Variants in ITGBL1 observed in about 807,000 individuals in gnomAD.
The protein encoded by ITGBL1 is integrin beta-like protein 1.
A neutral mutation model predicts 68.5 loss-of-function variants in ITGBL1; 51 were observed. That is an observed-to-expected ratio of 0.74 (90% CI 0.59 to 0.94). ITGBL1 has a LOEUF of 0.94. Ranked by LOEUF, ITGBL1 falls within the 40% of genes least tolerant of loss-of-function variation. The pLI, the probability that ITGBL1 is intolerant of heterozygous loss-of-function variation, is 0.00. For missense variants in ITGBL1, 649 were observed against 647.4 expected, an observed-to-expected ratio of 1.00 and a Z score of -0.03; for synonymous variants, 209 against 227.3, an observed-to-expected ratio of 0.92 and a Z score of 0.72.
Position 101,580,978 on chromosome 13 carries a change from A to G in ITGBL1, c.727+1551A>G, listed in dbSNP as rs534181039. Among the ~76,000 whole-genome samples the G allele has an allele frequency of 3.9e-5, 6 of 152,268 alleles. No homozygotes were observed. In the South Asian group the frequency reaches 1.2e-3, roughly 32 times the overall value. ...AGCTTCTGAGATTCAGGGGTACTTG[A>G]AGACAGGGCAGAAGTGGGCGCTGAG... On this transcript the variant is annotated intron_variant, in intron 5 of 10. Coordinates refer to ENST00000376180, the MANE Select transcript of ITGBL1 (RefSeq NM_004791.3).
chr13:101,480,684 ATAAAT>A (rs537569099), intron 2 of ITGBL1, among the ~76,000 whole-genome samples: 221 of 152,198 alleles, frequency 1.5e-3, no homozygotes, highest in African/African-American at 5.0e-3. Context: ...GAATAAAAAA[ATAAAT>A]TCAGAGTAAA....
At chr13:101,490,420 A>AAGT (rs1437701954) in intron 2 of ITGBL1, among the ~76,000 whole-genome samples, 2 of 152,220 alleles carry the variant, frequency 1.3e-5, no homozygotes, top group Non-Finnish European at 2.9e-5. Context: ...CACACTTGAT[A>AAGT]AGTAGCTACT....
intron 6 of ITGBL1, among the ~76,000 whole-genome samples, chr13:101,588,842 G>A (rs1020797227): frequency 1.8e-4 from 28 of 152,014 alleles, no homozygotes; most frequent in African/African-American, 6.3e-4. Flanking sequence ...TCCTTCTTTG[G>A]CATAACTTTT....
At chr13:101,469,472 A>G (rs1394772134) in intron 2 of ITGBL1, among the ~76,000 whole-genome samples, 1 of 152,212 alleles carries the variant, frequency 6.6e-6, no homozygotes, top group African/African-American at 2.4e-5. Context: ...ACCTGAGGTC[A>G]CGAGTTCGAG....
chr13:101,599,723 G>A (rs1023637879), intron 7 of ITGBL1, among the ~76,000 whole-genome samples: 36 of 152,078 alleles, frequency 2.4e-4, no homozygotes, highest in Non-Finnish European at 4.3e-4. Context: ...TTTTTGTCAG[G>A]TTTGTCAAAG....
chr13:101,668,925 A>T (rs1487730696), intron 7 of ITGBL1, among the ~76,000 whole-genome samples: 1 of 152,142 alleles, frequency 6.6e-6, no homozygotes, highest in African/African-American at 2.4e-5. Context: ...AATTTGTTCT[A>T]TGAGGAAGCA....
chr13:101,602,218 C>G (rs1192547732), intron 7 of ITGBL1, among the ~76,000 whole-genome samples: 1 of 151,998 alleles, frequency 6.6e-6, no homozygotes, highest in Non-Finnish European at 1.5e-5. Context: ...ATTTTGAGGA[C>G]AGTGTTGGCT....
intron 7 of ITGBL1, among the ~76,000 whole-genome samples, chr13:101,650,844 T>G (rs2032727654): frequency 6.6e-6 from 1 of 152,140 alleles, no homozygotes; most frequent in Non-Finnish European, 1.5e-5. Flanking sequence ...CACAGCCCAC[T>G]GATATGTCCA....
chr13:101,597,818 C>A (rs2030078450), intron 6 of ITGBL1, among the ~76,000 whole-genome samples: 2 of 152,070 alleles, frequency 1.3e-5, no homozygotes, highest in African/African-American at 4.8e-5. Context: ...TCCCAAAGTG[C>A]TGGGATTATA....
intron 2 of ITGBL1, among the ~76,000 whole-genome samples, chr13:101,546,731 TTTATC>T (rs2049831437): frequency 6.6e-6 from 1 of 152,062 alleles, no homozygotes; most frequent in Non-Finnish European, 1.5e-5. Context: ...GCAAGCAACT[TTTATC>T]TAGCAAGCTT....
intron 3 of ITGBL1, among the ~76,000 whole-genome samples, chr13:101,570,798 C>T (rs1340226102): frequency 1.3e-5 from 2 of 152,174 alleles, no homozygotes. Flanking sequence ...ATTGGTTAAA[C>T]TTAAGTTCTG....
intron 2 of ITGBL1, among the ~76,000 whole-genome samples, chr13:101,525,003 T>C (rs1351731742): frequency 1.3e-5 from 2 of 152,186 alleles, no homozygotes; most frequent in Non-Finnish European, 2.9e-5. Flanking sequence ...ATACCTATAA[T>C]TGAAATTTTA....
intron 8 of ITGBL1, among the ~76,000 whole-genome samples, chr13:101,696,339 C>T (rs1457912788): frequency 1.3e-5 from 2 of 152,126 alleles, no homozygotes; most frequent in Non-Finnish European, 2.9e-5. Flanking sequence ...ATATGAGGGG[C>T]AGGGTAGGAT....
intron 2 of ITGBL1, among the ~76,000 whole-genome samples, chr13:101,522,382 C>T (rs899651803): frequency 6.6e-6 from 1 of 152,172 alleles, no homozygotes; most frequent in Non-Finnish European, 1.5e-5. Flanking sequence ...TTACTATTCC[C>T]TCCCTCCATT....
chr13:101,627,354 C>G lies in ITGBL1; in HGVS notation c.1015+29055C>G, dbSNP rs535789232. Among the ~76,000 whole-genome samples the G allele has an allele frequency of 3.9e-5, 6 of 152,088 alleles. No homozygotes were observed. The South Asian group carries it at 1.0e-3, about 26-fold the overall frequency. On this transcript the variant is annotated intron_variant, in intron 7 of 10. Transcript: ENST00000376180. ...CTGAACAGAAAGTACAGGGAGATCC[C>G]ATATACTCCCTGCCCTCACCCATGC...
chr13:101,633,983 T>C (rs1033041774), intron 7 of ITGBL1, among the ~76,000 whole-genome samples: 14 of 149,604 alleles, frequency 9.4e-5, no homozygotes, highest in African/African-American at 3.6e-4. Flanking sequence ...TGATGATGCA[T>C]AAAATTATGA....
chr13:101,585,869 G>C (rs2050547277), intron 6 of ITGBL1, among the ~76,000 whole-genome samples: 1 of 152,130 alleles, frequency 6.6e-6, no homozygotes, highest in African/African-American at 2.4e-5. Flanking sequence ...TTTTTCCTAT[G>C]GGTATTCACT....
intron 3 of ITGBL1, among the ~76,000 whole-genome samples, chr13:101,570,738 C>T (rs1462311336): frequency 2.0e-5 from 3 of 152,078 alleles, no homozygotes; most frequent in Non-Finnish European, 4.4e-5. Flanking sequence ...TTAGTCTATC[C>T]TGTTGGAAAG....
intron 2 of ITGBL1, among the ~76,000 whole-genome samples, chr13:101,534,258 C>T (rs141087788): frequency 6.6e-6 from 1 of 152,198 alleles, no homozygotes; most frequent in African/African-American, 2.4e-5. Context: ...ATAGGCTACT[C>T]TTTCCAGAAG....
Sources: allele counts gnomAD v4.1 joint callset (sites outside exome capture counted in the v4.1 genomes callset), GRCh38; gene constraint gnomAD v4.1.1; transcripts MANE v1.5; gene names NCBI Gene and HGNC (gene_info 2026-07-23, HGNC 2026-07-21).